SPAG17: variants seen among roughly 807,000 people sequenced by gnomAD.
SPAG17 encodes sperm associated antigen 17.
In SPAG17, 169 loss-of-function variants were observed where a neutral mutation model predicts 273.6. The observed-to-expected ratio is 0.62, with a 90% confidence interval of 0.55 to 0.70. The LOEUF (loss-of-function observed/expected upper bound fraction) is 0.70, where lower values mean the gene tolerates loss of function less well. Ranked by LOEUF, SPAG17 falls within the 30% of genes least tolerant of loss-of-function variation. The pLI, the probability that SPAG17 is intolerant of heterozygous loss-of-function variation, is 0.00. For synonymous variants in SPAG17, 825 were observed against 873.2 expected, an observed-to-expected ratio of 0.94 and a Z score of 0.97; for missense variants, 2,557 against 2,627.8, an observed-to-expected ratio of 0.97 and a Z score of 0.59.
At chr1:118,177,750 C>T (rs1471543284) in intron 1 of SPAG17, among the ~76,000 whole-genome samples, 1 of 151,950 alleles carries the variant, frequency 6.6e-6, no homozygotes, top group Non-Finnish European at 1.5e-5. Context: ...ACAACTAAGA[C>T]CACAGAAATG....
At chr1:118,040,511 T>C (rs916523045) in intron 22 of SPAG17, among the ~76,000 whole-genome samples, 6 of 152,186 alleles carry the variant, frequency 3.9e-5, no homozygotes, top group African/African-American at 1.4e-4. Flanking sequence ...AATGGTCATA[T>C]TAGCATGTAC....
chr1:117,955,325 A>G (rs1188209187), intron 48 of SPAG17: 1 of 1,612,294 alleles, frequency 6.2e-7, no homozygotes, highest in Admixed American at 1.7e-5. Flanking sequence ...CCTTCAGCTT[A>G]TGTATTAGAG....
chr1:118,074,430 A>G, intron 16 of SPAG17, 109 bp downstream of exon 16: 1 of 916,186 alleles, frequency 1.1e-6, no homozygotes, highest in East Asian at 2.6e-5. Context: ...TAGCCTCAGT[A>G]TTCTCCTTCT....
Position 118,036,775 on chromosome 1 carries a change from G to A in SPAG17, c.3428C>T (p.Ala1143Val), listed in dbSNP as rs761327602. 9.7e-6 allele frequency: 15 copies of A among 1,550,564 alleles called. No individual in the cohort carries two copies. In the Admixed American group the frequency reaches 2.7e-4, roughly 28 times the overall value. ...TGCTGTTGTGTTCATTTCACCTGGT[G>A]CCATTCCATTTGATCCATAGTAACT... Reference protein sequence around the residue: ...SISYYGSNGMAPEDKDPDLET... With the variant: ...SISYYGSNGMVPEDKDPDLET... Residue 1143 changes from alanine to valine, a missense_variant, in exon 24 of 49, where the codon GCA becomes GTA. Ala to Val is a moderately conservative substitution (Grantham distance 64). Transcript: ENST00000336338.
At chr1:117,989,336 T>C in intron 38 of SPAG17, among the ~76,000 whole-genome samples, 1 of 151,876 alleles carries the variant, frequency 6.6e-6, no homozygotes, top group South Asian at 2.1e-4. Context: ...CTTCCACTCA[T>C]GGAAATGGGG....
intron 38 of SPAG17, 49 bp downstream of exon 38, chr1:117,990,812 C>T: frequency 8.0e-7 from 1 of 1,246,918 alleles, no homozygotes; most frequent in African/African-American, 1.5e-5. Flanking sequence ...TAAGATGATT[C>T]CTTTGAAACT....
At chr1:118,172,553 G>C (rs889988205) in intron 1 of SPAG17, among the ~76,000 whole-genome samples, 4 of 152,118 alleles carry the variant, frequency 2.6e-5, no homozygotes, top group African/African-American at 9.7e-5. Flanking sequence ...ACCAGCTTCA[G>C]ATAATCTGCA....
rs181443851 is a variant in SPAG17, at chr1:117,996,416, T to C, written c.5007A>G (p.Lys1669=). 11 of 1,613,134 alleles carry C rather than the reference T, an allele frequency of 6.8e-6. No individual in the cohort carries two copies. Among genetic ancestry groups the C allele is most frequent in the Non-Finnish European group, 9.3e-6 (11 of 1,179,400 alleles). ...DIEEYLSLAY[K]ESNTVVLQEP... is the part of the protein sequence containing the mutation. ...CTTGGAGAACAACAGTATTTGATTC[T>C]TTATATGCCAAAGATAGATATTCTT... The change falls in exon 34 of 49, where the codon AAA becomes AAG. Residue 1669 remains lysine (K), a synonymous_variant. Transcript: ENST00000336338.
At chr1:118,048,651 A>G (rs552462733) in intron 20 of SPAG17, among the ~76,000 whole-genome samples, 4 of 152,300 alleles carry the variant, frequency 2.6e-5, no homozygotes, top group African/African-American at 9.6e-5. Flanking sequence ...TAATCCCAGC[A>G]CTTTGGGAGG....
At chr1:117,997,480 T>C (rs1358472680) in intron 32 of SPAG17, among the ~76,000 whole-genome samples, 1 of 150,452 alleles carries the variant, frequency 6.6e-6, no homozygotes, top group East Asian at 1.9e-4. Flanking sequence ...AAAACAAAGT[T>C]AGGAATTCTG....
intron 39 of SPAG17, 98 bp downstream of exon 39, chr1:117,988,007 A>G (rs2101628230): frequency 4.2e-6 from 6 of 1,417,428 alleles, no homozygotes; most frequent in Admixed American, 2.1e-5. Context: ...CTGTGAATTC[A>G]TTGATGTAGT....
At chr1:117,972,902 T>C (rs1380155764) in intron 44 of SPAG17, among the ~76,000 whole-genome samples, 1 of 152,020 alleles carries the variant, frequency 6.6e-6, no homozygotes, top group Non-Finnish European at 1.5e-5. Flanking sequence ...TGAAGAGAAA[T>C]CTACAATGGC....
chr1:118,079,265 G>T (rs1028159345), intron 15 of SPAG17, among the ~76,000 whole-genome samples: 7 of 151,888 alleles, frequency 4.6e-5, no homozygotes, highest in Non-Finnish European at 8.8e-5. Context: ...GACTACTCAG[G>T]TTTTCTATTT....
At position 118,086,726 on chromosome 1, in the gene SPAG17, C is replaced by T; in HGVS notation, c.1556G>A (p.Gly519Asp). 1 of 1,614,092 alleles carries T rather than the reference C, an allele frequency of 6.2e-7. No individual in the cohort carries two copies. The highest frequency in any genetic ancestry group is 8.5e-7 in the Non-Finnish European group (1 of 1,180,020). ...EENESKAVPK[G>D]PLLLNYHDAH... ...ATCATGATAGTTCAGTAGGAGGGGG[C>T]CTTTGGGCACTGCTTTGCTTTCATT... The change falls in exon 12 of 49, where the codon GGC becomes GAC. Residue 519 changes from glycine (G) to aspartate (D), a missense_variant. Transcript: ENST00000336338.
intron 35 of SPAG17, among the ~76,000 whole-genome samples, chr1:117,993,910 A>T (rs977291890): frequency 6.6e-6 from 1 of 152,194 alleles, no homozygotes; most frequent in Admixed American, 6.6e-5. Flanking sequence ...CATAATTACA[A>T]TGTTTACTTT....
At chr1:118,128,511 C>A (rs1179707813) in intron 3 of SPAG17, among the ~76,000 whole-genome samples, 2 of 152,168 alleles carry the variant, frequency 1.3e-5, no homozygotes, top group African/African-American at 4.8e-5. Flanking sequence ...TATTTCCCTG[C>A]TTCGTAGAAA....
At chr1:118,045,477 G>C (rs1254731640) in intron 20 of SPAG17, among the ~76,000 whole-genome samples, 2 of 152,184 alleles carry the variant, frequency 1.3e-5, no homozygotes, top group Non-Finnish European at 2.9e-5. Flanking sequence ...CTTCCATGGG[G>C]ACAGAAGCTC....
At chr1:118,011,880 GT>G (rs1378226412) in intron 30 of SPAG17, among the ~76,000 whole-genome samples, 6 of 151,990 alleles carry the variant, frequency 3.9e-5, no homozygotes, top group Admixed American at 2.6e-4. Context: ...CTAAAAATAA[GT>G]ATCTGAGGGT....
intron 34 of SPAG17, 135 bp from the exon 35 acceptor site, chr1:117,994,665 T>C: frequency 1.2e-6 from 1 of 866,272 alleles, no homozygotes; most frequent in Non-Finnish European, 1.7e-6. Context: ...ACAATGACTA[T>C]ACTTAGGAAC....
Sources: gnomAD v4.1 joint callset for allele counts (sites outside exome capture counted in the v4.1 genomes callset) on GRCh38, gnomAD v4.1.1 for gene constraint, MANE v1.5 for transcripts, NCBI Gene and HGNC (gene_info 2026-07-23, HGNC 2026-07-21) for gene names.